The following DLG2 variants were observed in gnomAD, a reference collection of about 807,000 sequenced individuals.
DLG2 encodes the protein discs large MAGUK scaffold protein 2, also known as disks large homolog 2.
In DLG2, 45 loss-of-function variants were observed where a neutral mutation model predicts 132.5. The observed-to-expected ratio is 0.34, with a 90% confidence interval of 0.27 to 0.44. DLG2 has a LOEUF of 0.44. Ranked by LOEUF, DLG2 falls within the 20% of genes least tolerant of loss-of-function variation. The probability of loss-of-function intolerance (pLI) is 1.00; values close to 1 mark genes in which losing one functional copy is unlikely to be tolerated. For missense variants in DLG2, 1,045 were observed against 1,196.9 expected (o/e 0.87, Z 1.87); for synonymous variants, 424 against 419.6 (o/e 1.01, Z -0.13).
intron 3 of DLG2, among the ~76,000 whole-genome samples, chr11:85,514,794 AG>A (rs1461751943): frequency 1.3e-5 from 2 of 151,842 alleles, no homozygotes; most frequent in Non-Finnish European, 2.9e-5. Context: ...TCTGAGTTTC[AG>A]GAAGGAGTCA....
chr11:84,601,949 G>A (rs2099577377), intron 6 of DLG2, among the ~76,000 whole-genome samples: 2 of 151,956 alleles, frequency 1.3e-5, no homozygotes, highest in South Asian at 4.1e-4. Context: ...AACATTTGGG[G>A]TCTCAGTTTA....
intron 19 of DLG2, among the ~76,000 whole-genome samples, chr11:83,582,564 G>A (rs2097000061): frequency 6.6e-6 from 1 of 152,122 alleles, no homozygotes; most frequent in South Asian, 2.1e-4. Flanking sequence ...TCATAAACTG[G>A]TTCATACTTA....
At chr11:84,224,931 G>A (rs1398020928) in intron 8 of DLG2, among the ~76,000 whole-genome samples, 2 of 152,148 alleles carry the variant, frequency 1.3e-5, no homozygotes, top group Non-Finnish European at 2.9e-5. Context: ...CTCCTTTGAA[G>A]ACAATTTCTT....
chr11:83,531,961 A>G (rs375915543), intron 21 of DLG2, among the ~76,000 whole-genome samples: 1 of 142,796 alleles, frequency 7.0e-6, no homozygotes, highest in Non-Finnish European at 1.5e-5. Context: ...AGGGACAAAA[A>G]GTAGATTAGT....
chr11:83,503,187 ATGTGAGCT>A (rs2094520129), intron 21 of DLG2, among the ~76,000 whole-genome samples: 1 of 151,528 alleles, frequency 6.6e-6, no homozygotes, highest in Non-Finnish European at 1.5e-5. Flanking sequence ...AAGAGGGGAC[ATGTGAGCT>A]AAATATTAAA....
At chr11:84,491,646 T>C (rs971033626) in intron 7 of DLG2, among the ~76,000 whole-genome samples, 1 of 152,200 alleles carries the variant, frequency 6.6e-6, no homozygotes, top group Admixed American at 6.5e-5. Flanking sequence ...AGAAGTATTC[T>C]ATAGACCATT....
chr11:84,703,788 T>A (rs540047508), intron 6 of DLG2, among the ~76,000 whole-genome samples: 68 of 148,648 alleles, frequency 4.6e-4, no homozygotes, highest in Non-Finnish European at 9.7e-4. Context: ...GAAATGTCCA[T>A]AAGAGCTCCT....
At chr11:84,199,377 C>A (rs1212395220) in intron 8 of DLG2, among the ~76,000 whole-genome samples, 3 of 152,078 alleles carry the variant, frequency 2.0e-5, no homozygotes, top group African/African-American at 4.8e-5. Flanking sequence ...AGCTCTCACT[C>A]TCTGGGAAAA....
At chr11:84,420,229 CATAAT>C (rs1160182581) in intron 7 of DLG2, among the ~76,000 whole-genome samples, 1 of 152,068 alleles carries the variant, frequency 6.6e-6, no homozygotes, top group African/African-American at 2.4e-5. Context: ...CTCCTTTGAC[CATAAT>C]ATAGCTGAAA....
intron 15 of DLG2, among the ~76,000 whole-genome samples, chr11:83,924,067 T>A (rs988944242): frequency 6.6e-6 from 1 of 152,080 alleles, no homozygotes; most frequent in African/African-American, 2.4e-5. Flanking sequence ...GCTTAACTTA[T>A]TCCTATTTCT....
intron 17 of DLG2, among the ~76,000 whole-genome samples, chr11:83,818,925 T>A (rs1037439533): frequency 6.6e-6 from 1 of 152,182 alleles, no homozygotes; most frequent in Non-Finnish European, 1.5e-5. Flanking sequence ...ACGTTCATTT[T>A]TAAGTTTTTA....
At chr11:85,265,311 C>T (rs1179833188) in intron 4 of DLG2, among the ~76,000 whole-genome samples, 1 of 152,188 alleles carries the variant, frequency 6.6e-6, no homozygotes, top group Non-Finnish European at 1.5e-5. Context: ...AAACCCAAAA[C>T]AATTAGATGC....
intron 6 of DLG2, among the ~76,000 whole-genome samples, chr11:84,885,493 C>T (rs1205048111): frequency 6.6e-6 from 1 of 151,984 alleles, no homozygotes; most frequent in African/African-American, 2.4e-5. Context: ...AGGTACCATG[C>T]CTGGCCTGGA....
At chr11:85,323,476 A>G (rs1379406266) in intron 3 of DLG2, among the ~76,000 whole-genome samples, 1 of 152,258 alleles carries the variant, frequency 6.6e-6, no homozygotes, top group African/African-American at 2.4e-5. Flanking sequence ...CTACCAACAC[A>G]AATATTTGTC....
intron 18 of DLG2, among the ~76,000 whole-genome samples, chr11:83,668,209 T>C (rs1456425265): frequency 6.6e-6 from 1 of 152,084 alleles, no homozygotes; most frequent in Non-Finnish European, 1.5e-5. Flanking sequence ...GGGTCAGATT[T>C]ATGTAGAAAC....
At chr11:85,579,813 A>C (rs1341430059) in intron 3 of DLG2, among the ~76,000 whole-genome samples, 2 of 152,108 alleles carry the variant, frequency 1.3e-5, no homozygotes, top group East Asian at 3.9e-4. Flanking sequence ...CAGCCTCCCA[A>C]AGTGCTGGGA....
chr11:84,689,482 A>G (rs1325910281), intron 6 of DLG2, among the ~76,000 whole-genome samples: 1 of 152,096 alleles, frequency 6.6e-6, no homozygotes, highest in Non-Finnish European at 1.5e-5. Flanking sequence ...TAATGAGGTG[A>G]TGACTCACTT....
chr11:83,571,576 G>C (rs998123091), intron 19 of DLG2, among the ~76,000 whole-genome samples: 3 of 139,558 alleles, frequency 2.1e-5, no homozygotes, highest in East Asian at 2.1e-4. Context: ...ACTGTTATTC[G>C]AGCGAGACTC....
chr11:84,160,203 A>C (rs1319063180), intron 9 of DLG2, among the ~76,000 whole-genome samples: 1 of 152,148 alleles, frequency 6.6e-6, no homozygotes, highest in Non-Finnish European at 1.5e-5. Context: ...TGAAGAAAAG[A>C]TGGAGAAGAG....
Sources: allele counts gnomAD v4.1 joint callset (sites outside exome capture counted in the v4.1 genomes callset), GRCh38; gene constraint gnomAD v4.1.1; transcripts MANE v1.5; gene names NCBI Gene and HGNC (gene_info 2026-07-23, HGNC 2026-07-21).